CRTC3: variants seen among roughly 807,000 people sequenced by gnomAD.
CRTC3 encodes the protein CREB-regulated transcription coactivator 3.
CRTC3 carries 26 observed loss-of-function variants against 74.5 expected under a neutral mutation model. That is an observed-to-expected ratio of 0.35 (90% CI 0.26 to 0.48). The LOEUF is 0.48. CRTC3 is among the 20% of genes least tolerant of loss of function. CRTC3 has a pLI of 0.99. For synonymous variants in CRTC3, 377 were observed against 325.8 expected (o/e 1.16, Z -1.69); for missense variants, 760 against 787.3 (o/e 0.97, Z 0.41).
rs1969556750 is a variant in CRTC3, at chr15:90,644,421, T to G, written c.*2281T>G. On this transcript the variant is annotated 3_prime_UTR_variant, in exon 15 of 15. Transcript: ENST00000268184. ...TCACATAGTGCCTTACCCATGGGTA[T>G]CGTCATATCCGGGTCCCAGTTCAGT... 3 of 231,156 alleles carry G rather than the reference T, an allele frequency of 1.3e-5. No homozygotes were observed. Among genetic ancestry groups the G allele is most frequent in the Non-Finnish European group, 2.6e-5 (3 of 116,774 alleles). 14.3% of individuals were successfully genotyped at this position (231,156 alleles called of 1,614,324 possible).
In CRTC3 at chr15:90,560,315, A is replaced by G. The variant is rs1966984257; in HGVS notation, c.231+20178A>G. Among the ~76,000 whole-genome samples the G allele has an allele frequency of 2.6e-5, 4 of 152,164 alleles. No homozygotes were observed. The East Asian group carries it at 5.8e-4, about 22-fold the overall frequency. On this transcript the variant is annotated intron_variant, in intron 2 of 14. Coordinates refer to ENST00000268184, the MANE Select transcript of CRTC3 (RefSeq NM_022769.5). ...GATGATGGCTCTCATCCTTGGTTCT[A>G]CCAGATTCTTGAAAGAGAATGTGTT...
At chr15:90,570,475 T>C (rs1361067284) in intron 2 of CRTC3, among the ~76,000 whole-genome samples, 1 of 152,220 alleles carries the variant, frequency 6.6e-6, no homozygotes, top group Non-Finnish European at 1.5e-5. Context: ...CCACCACTGT[T>C]AGGGACATCC....
chr15:90,538,338 A>G (rs1350283456), intron 1 of CRTC3, among the ~76,000 whole-genome samples: 8 of 148,694 alleles, frequency 5.4e-5, no homozygotes, highest in Admixed American at 1.4e-4. Flanking sequence ...AAAAAACACC[A>G]TGTCGTCCTC....
chr15:90,546,889 C>T (rs1966845211), intron 2 of CRTC3, among the ~76,000 whole-genome samples: 1 of 152,160 alleles, frequency 6.6e-6, no homozygotes, highest in Admixed American at 6.5e-5. Flanking sequence ...TCCCAGAGTG[C>T]TGGGATTACA....
Position 90,641,971 on chromosome 15 carries a change from C to A in CRTC3, c.1691C>A (p.Ala564Glu). 1.2e-6 allele frequency: 2 copies of A among 1,613,776 alleles called. No homozygotes were observed. Residue 564 changes from alanine (A) to glutamate (E), a missense_variant, in exon 15 of 15, where the codon GCG becomes GAG. Coordinates refer to ENST00000268184, the MANE Select transcript of CRTC3 (RefSeq NM_022769.5). ...AGCCTGTTCAAAGACCTCAACAGTGCGCTGGCAGGCCTGCCTGAGGTCAGC... is the reference window on the plus strand; with the variant it reads ...AGCCTGTTCAAAGACCTCAACAGTGAGCTGGCAGGCCTGCCTGAGGTCAGC... ...STSLFKDLNS[A>E]LAGLPEVSLN... is the part of the protein sequence containing the mutation.
intron 1 of CRTC3, among the ~76,000 whole-genome samples, chr15:90,534,518 T>A (rs1297167690): frequency 6.6e-6 from 1 of 152,226 alleles, no homozygotes; most frequent in African/African-American, 2.4e-5. Flanking sequence ...AGTTCTGTAT[T>A]TTGCCCTCTA....
intron 4 of CRTC3, among the ~76,000 whole-genome samples, chr15:90,602,931 G>A (rs1298670237): frequency 3.3e-5 from 5 of 151,950 alleles, no homozygotes; most frequent in East Asian, 3.9e-4. Context: ...CTGAGATCAC[G>A]CCACAGCACT....
rs1416755001 is a variant in CRTC3 at position 90,642,814 on chromosome 15, G to A, written c.*674G>A. ...ACCTTTTCCTTATGGACCAGAGGAA[G>A]AGGAAGACCATTTTATCAGTCACTG... On this transcript the variant is annotated 3_prime_UTR_variant, in exon 15 of 15. Coordinates refer to ENST00000268184, the MANE Select transcript of CRTC3 (RefSeq NM_022769.5). The A allele has an allele frequency of 4.3e-6, 1 of 232,700 alleles. No individual in the cohort carries two copies. Among genetic ancestry groups the A allele is most frequent in the Non-Finnish European group, 8.5e-6 (1 of 117,674 alleles). 14.4% of individuals were successfully genotyped at this position (232,700 alleles called of 1,614,324 possible).
chr15:90,598,259 GCCTGCTCACC>G, intron 3 of CRTC3: 2 of 594,718 alleles, frequency 3.4e-6, no homozygotes. Context: ...GGAACCCTGG[GCCTGCTCACC>G]CAGCCGCAGG....
Position 90,604,528 on chromosome 15 carries a change from C to T in CRTC3, c.476+81C>T, listed in dbSNP as rs577484015. ...TATTTTTTACATAGCATCCAGTTGC[C>T]AGAGTGTGTTTATGTAAGCTGTGTT... On this transcript the variant is annotated intron_variant, in intron 5 of 14. Coordinates refer to ENST00000268184, the MANE Select transcript of CRTC3 (RefSeq NM_022769.5). 1.5e-3 allele frequency: 1,677 copies of T among 1,096,002 alleles called. 7 individuals are homozygous for T. The highest frequency in any genetic ancestry group is 2.1e-3 in the South Asian group (163 of 79,466). 67.9% of individuals were successfully genotyped at this position (1,096,002 alleles called of 1,614,324 possible).
chr15:90,603,468 A>C (rs1043114799), intron 4 of CRTC3, among the ~76,000 whole-genome samples: 1 of 152,136 alleles, frequency 6.6e-6, no homozygotes. Flanking sequence ...AAAAATAAGC[A>C]TCTTTTCTCA....
chr15:90,567,327 A>G (rs2151068214), intron 2 of CRTC3, among the ~76,000 whole-genome samples: 1 of 152,230 alleles, frequency 6.6e-6, no homozygotes, highest in Middle Eastern at 3.4e-3. Context: ...GAAAAAAAAG[A>G]TTCCTTTCAA....
intron 7 of CRTC3, among the ~76,000 whole-genome samples, chr15:90,616,100 T>C (rs1968488453): frequency 6.6e-6 from 1 of 152,100 alleles, no homozygotes; most frequent in South Asian, 2.1e-4. Flanking sequence ...ATTATCATTA[T>C]ATTAATGATT....
chr15:90,576,411 G>A lies in CRTC3; in HGVS notation c.232-17225G>A, dbSNP rs80082103. Among the ~76,000 whole-genome samples, 1,377 of 152,070 alleles carry A rather than the reference G, an allele frequency of 9.1e-3. 19 individuals are homozygous for A. The highest frequency in any genetic ancestry group is 0.032 in the African/African-American group (1,315 of 41,488). On this transcript the variant is annotated intron_variant, in intron 2 of 14. Transcript: ENST00000268184. The stretch of plus-strand genomic sequence containing the variant: ...CCATTCCCAGCGATTTGAAACACAC[G>A]AGATAGGGGCTGGTTTAGGAGGAAG...
intron 2 of CRTC3, among the ~76,000 whole-genome samples, chr15:90,547,188 T>A (rs908023132): frequency 6.6e-6 from 1 of 152,232 alleles, no homozygotes; most frequent in Non-Finnish European, 1.5e-5. Flanking sequence ...GTGGAATGGC[T>A]AAATCAGACA....
chr15:90,551,376 A>G (rs74037336), intron 2 of CRTC3, among the ~76,000 whole-genome samples: 5,721 of 152,088 alleles, frequency 0.038, 327 homozygotes, highest in African/African-American at 0.13. Context: ...CTGCTGTCCA[A>G]TATGTTAGTC....
intron 13 of CRTC3, among the ~76,000 whole-genome samples, chr15:90,640,318 T>C (rs938427463): frequency 1.3e-5 from 2 of 152,196 alleles, no homozygotes; most frequent in Non-Finnish European, 2.9e-5. Context: ...GGCTTTCTCA[T>C]AGGGAGGAGC....
chr15:90,640,935 G>A lies in CRTC3; in HGVS notation c.1549-162G>A, dbSNP rs1969416609. The A allele has an allele frequency of 6.5e-6, 4 of 617,560 alleles. No individual in the cohort carries two copies. In the East Asian group the frequency reaches 1.1e-4, roughly 17 times the overall value. The allele number at this position is 617,560 out of a possible 1,614,324, so 38.3% of individuals were successfully genotyped here. A position where few individuals can be genotyped will look rare whatever the true frequency, so the allele number is the denominator to read the frequency against. ...CGTCTGCCTGCCTGACAAGAATATT[G>A]TGCATGCATTACCATAAGAGCAAAG... On this transcript the variant is annotated intron_variant, in intron 13 of 14. Coordinates refer to ENST00000268184, the MANE Select transcript of CRTC3 (RefSeq NM_022769.5).
At chr15:90,548,210 C>A (rs928614579) in intron 2 of CRTC3, among the ~76,000 whole-genome samples, 1 of 152,156 alleles carries the variant, frequency 6.6e-6, no homozygotes, top group Non-Finnish European at 1.5e-5. Flanking sequence ...ATATAACCTA[C>A]CCTAGTCCTT....
Sources: allele counts gnomAD v4.1 joint callset (sites outside exome capture counted in the v4.1 genomes callset), GRCh38; gene constraint gnomAD v4.1.1; transcripts MANE v1.5; gene names NCBI Gene and HGNC (gene_info 2026-07-23, HGNC 2026-07-21).